TM6SF2: variants seen among roughly 807,000 people sequenced by gnomAD.
The protein encoded by TM6SF2 is transmembrane 6 superfamily member 2.
In TM6SF2, 29 loss-of-function variants were observed where a neutral mutation model predicts 41.0. The observed-to-expected ratio is 0.71, with a 90% CI of 0.53 to 0.96. The LOEUF (loss-of-function observed/expected upper bound fraction) is 0.96, where lower values mean the gene tolerates loss of function less well. TM6SF2 is among the 50% of genes least tolerant of loss of function. The probability of loss-of-function intolerance (pLI) is 0.00; values close to 1 mark genes in which losing one functional copy is unlikely to be tolerated. For synonymous variants in TM6SF2, 200 were observed against 209.1 expected (o/e 0.96, Z 0.37); for missense variants, 475 against 499.0 (o/e 0.95, Z 0.46).
intron 8 of TM6SF2, among the ~76,000 whole-genome samples, chr19:19,267,409 G>A (rs1283672240): frequency 2.0e-5 from 3 of 150,898 alleles, no homozygotes; most frequent in Non-Finnish European, 3.0e-5. Context: ...AGAAAAGAAA[G>A]GAAAAGAAAA....
At position 19,270,103 on chromosome 19, in the gene TM6SF2, C is replaced by T. The variant is rs571390178; in HGVS notation, c.401+70G>A. ...ACAGACACTTCTGGCTCCACCCTGC[C>T]CTGGGACCCCATCTGAGGATGCAAC... On this transcript the variant is annotated intron_variant, in intron 4 of 9. Coordinates refer to ENST00000389363, the MANE Select transcript of TM6SF2 (RefSeq NM_001001524.3). The T allele has an allele frequency of 2.1e-5, 34 of 1,596,820 alleles. No homozygotes were observed. The East Asian group carries it at 6.8e-4, about 32-fold the overall frequency.
intron 1 of TM6SF2, among the ~76,000 whole-genome samples, chr19:19,272,692 G>GGTGTGTGTGTGT (rs55690765): frequency 1.9e-3 from 258 of 136,780 alleles, no homozygotes; most frequent in African/African-American, 5.1e-3. Flanking sequence ...AATGGAGTAG[G>GGTGTGTGTGTGT]GTGTGTGTGT....
chr19:19,270,248 C>T lies in TM6SF2; in HGVS notation c.326G>A (p.Gly109Glu). The T allele has an allele frequency of 1.2e-6, 2 of 1,614,212 alleles. No individual in the cohort carries two copies. Among genetic ancestry groups the T allele is most frequent in the Non-Finnish European group, 1.7e-6 (2 of 1,180,046 alleles). ...GCCATCCCAGTAGCAGATGAAGACT[C>T]CGTGCGCTGTGCGCAGGTATGGCTC... ...EGEPYLRTAH[G>E]VFICYWDGTV... The change falls in exon 4 of 10, where the codon GGA becomes GAA. Residue 109 changes from glycine to glutamate, a missense_variant. Physicochemically the swap from Gly to Glu is moderately conservative, Grantham distance 98. Transcript: ENST00000389363.
chr19:19,264,696 CGGAG>C lies in TM6SF2; in HGVS notation c.1098_1101del (p.Ser367ThrfsTer3). The C allele has an allele frequency of 6.4e-7, 1 of 1,573,532 alleles. No homozygotes were observed. Among genetic ancestry groups the C allele is most frequent in the Admixed American group, 1.8e-5 (1 of 56,262 alleles). The stretch of plus-strand genomic sequence containing the variant: ...TGCTTCTTGTGGAGGGCTAGGGGGT[CGGAG>C]GGTGGTGGCTGGTGGAAGAATGCGG... On this transcript the variant is annotated frameshift_variant, in exon 10 of 10. Coordinates refer to ENST00000389363, the MANE Select transcript of TM6SF2 (RefSeq NM_001001524.3). LOFTEE classifies it high-confidence loss of function.
chr19:19,272,978 G>C (rs554147023), intron 1 of TM6SF2, 143 bp downstream of exon 1: 2 of 558,962 alleles, frequency 3.6e-6, no homozygotes, highest in South Asian at 3.3e-5. Flanking sequence ...CAATCCTGCC[G>C]GGTCGGAGCT....
rs1180586601 is a variant in TM6SF2 at position 19,273,221 on chromosome 19, C to T, written c.-6G>A. 2.1e-6 allele frequency: 3 copies of T among 1,411,304 alleles called. No homozygotes were observed. The highest frequency in any genetic ancestry group is 1.5e-5 in the African/African-American group (1 of 67,030). 87.4% of individuals were successfully genotyped at this position (1,411,304 alleles called of 1,614,324 possible). On this transcript the variant is annotated 5_prime_UTR_variant, in exon 1 of 10. Coordinates refer to ENST00000389363, the MANE Select transcript of TM6SF2 (RefSeq NM_001001524.3). ...GCCAGCGGCGGGATGTCCATAGCGGCGGCTGCTGGACCCCGGCTCAGCCCC... is the reference window on the plus strand; with the variant it reads ...GCCAGCGGCGGGATGTCCATAGCGGTGGCTGCTGGACCCCGGCTCAGCCCC...
chr19:19,265,109 T>C (rs2060998518), intron 9 of TM6SF2, among the ~76,000 whole-genome samples: 1 of 146,196 alleles, frequency 6.8e-6, no homozygotes, highest in Admixed American at 6.9e-5. Context: ...TGGTGCAATC[T>C]CGGTTCACTG....
chr19:19,271,219 C>G, intron 1 of TM6SF2, 94 bp from the exon 2 acceptor site: 1 of 989,234 alleles, frequency 1.0e-6, no homozygotes, highest in South Asian at 1.3e-5. Flanking sequence ...CTCCTGGAAG[C>G]CCCAGGGGAA....
intron 5 of TM6SF2, among the ~76,000 whole-genome samples, chr19:19,269,336 T>C (rs2061014640): frequency 6.6e-6 from 1 of 152,146 alleles, no homozygotes; most frequent in Non-Finnish European, 1.5e-5. Flanking sequence ...CATGCCAACC[T>C]CCCAGACTGC....
chr19:19,270,929 T>G, intron 2 of TM6SF2, 93 bp downstream of exon 2: 2 of 1,021,956 alleles, frequency 2.0e-6, no homozygotes, highest in Non-Finnish European at 3.1e-6. Flanking sequence ...GGGCCCCCAG[T>G]CTGATGGAGG....
In TM6SF2 at chr19:19,271,102, C is replaced by A; in HGVS notation, c.119G>T (p.Ser40Ile). 4.3e-6 allele frequency: 7 copies of A among 1,614,164 alleles called. No homozygotes were observed. The highest frequency in any genetic ancestry group is 4.2e-6 in the Non-Finnish European group (5 of 1,180,016). The change falls in exon 2 of 10, where the codon AGC becomes ATC. Residue 40 changes from serine to isoleucine, a missense_variant. By Grantham distance (142) the Ser-to-Ile change is moderately radical (BLOSUM62 -2). This residue lies in a region of TM6SF2 where 238 missense variants were observed against 228.6 expected (regional missense o/e 1.04). Coordinates refer to ENST00000389363, the MANE Select transcript of TM6SF2 (RefSeq NM_001001524.3). ...GAAAAGCAGACCCAGGATTAGGGCG[C>A]TCATCAATGCCACCCACAGGGGGCT... Reference protein sequence around the residue: ...LSHPLWVALMSALILGLLFVA... With the variant: ...LSHPLWVALMIALILGLLFVA...
chr19:19,266,717 C>T (rs2061004367), intron 8 of TM6SF2, 108 bp from the exon 9 acceptor site: 3 of 1,364,470 alleles, frequency 2.2e-6, no homozygotes, highest in African/African-American at 1.5e-5. Context: ...TCTGGATGGC[C>T]TCAGACCCCA....
intron 7 of TM6SF2, 26 bp from the exon 8 acceptor site, chr19:19,267,739 C>T (rs752646217): frequency 5.1e-5 from 82 of 1,605,434 alleles, no homozygotes; most frequent in Non-Finnish European, 6.8e-5. Context: ...ATACCAAGAA[C>T]CCTCAGACAT....
In TM6SF2 at chr19:19,273,176, A is replaced by C. The variant is rs937537909; in HGVS notation, c.40T>G (p.Ser14Ala). Reference sequence around the variant, plus strand: ...TAGGACACCGGGAGGGCGCTCAGCGACAGCGCCGCGATCTTGCCGGCCAGC... The same window carrying C: ...TAGGACACCGGGAGGGCGCTCAGCGCCAGCGCCGCGATCTTGCCGGCCAGC... Reference protein sequence around the residue: ...PPLAGKIAALSLSALPVSYAL... With the variant: ...PPLAGKIAALALSALPVSYAL... The change falls in exon 1 of 10, where the codon TCG (serine) becomes GCG (alanine). Residue 14 changes from serine to alanine, a missense_variant. Physicochemically the swap from Ser to Ala is moderately conservative, Grantham distance 99. Coordinates refer to ENST00000389363, the MANE Select transcript of TM6SF2 (RefSeq NM_001001524.3). 1.4e-6 allele frequency: 2 copies of C among 1,473,616 alleles called. No individual in the cohort carries two copies. Among genetic ancestry groups the C allele is most frequent in the Admixed American group, 4.8e-5 (2 of 42,092 alleles). 91.3% of individuals were successfully genotyped at this position (1,473,616 alleles called of 1,614,324 possible).
At position 19,264,868 on chromosome 19, in the gene TM6SF2, C is replaced by A; in HGVS notation, c.930G>T (p.Gln310His). ...GCATGGAAGCCCCCATGTGCGAGAA[C>A]TGTGCCTGGTAGCCAGACAGGGAAG... Reference protein sequence around the residue: ...LVFAGGIGQAQFSHMGASMHL... With the variant: ...LVFAGGIGQAHFSHMGASMHL... The change falls in exon 10 of 10, where the codon CAG becomes CAT. Residue 310 changes from glutamine (Q) to histidine (H), a missense_variant. Coordinates refer to ENST00000389363, the MANE Select transcript of TM6SF2 (RefSeq NM_001001524.3). 1 of 1,561,142 alleles carries A rather than the reference C, an allele frequency of 6.4e-7. No homozygotes were observed. Among genetic ancestry groups the A allele is most frequent in the East Asian group, 2.4e-5 (1 of 40,936 alleles).
chr19:19,273,193 C>G lies in TM6SF2; in HGVS notation c.23G>C (p.Gly8Ala). ...GCTCAGCGACAGCGCCGCGATCTTG[C>G]CGGCCAGCGGCGGGATGTCCATAGC... MDIPPLA[G>A]KIAALSLSAL... is the part of the protein sequence containing the mutation. The change falls in exon 1 of 10, where the codon GGC becomes GCC. Residue 8 changes from glycine (G) to alanine (A), a missense_variant. Gly to Ala is a moderately conservative substitution (Grantham distance 60). This residue lies in a region of TM6SF2 where 238 missense variants were observed against 228.6 expected (regional missense o/e 1.04). Coordinates refer to ENST00000389363, the MANE Select transcript of TM6SF2 (RefSeq NM_001001524.3). 2 of 1,454,262 alleles carry G rather than the reference C, an allele frequency of 1.4e-6. No homozygotes were observed. The allele number at this position is 1,454,262 out of a possible 1,614,324, so 90.1% of individuals were successfully genotyped here. A position where few individuals can be genotyped will look rare whatever the true frequency, so the allele number is the denominator to read the frequency against.
At chr19:19,267,444 C>A (rs541575771) in intron 8 of TM6SF2, among the ~76,000 whole-genome samples, 177 bp downstream of exon 8, 1 of 151,898 alleles carries the variant, frequency 6.6e-6, no homozygotes, top group African/African-American at 2.4e-5. Flanking sequence ...AGAGTCTGCA[C>A]CTTGAGCACC....
chr19:19,267,784 C>A, intron 7 of TM6SF2, 71 bp from the exon 8 acceptor site: 1 of 1,440,846 alleles, frequency 6.9e-7, no homozygotes, highest in South Asian at 1.2e-5. Flanking sequence ...CCCTCCCAGG[C>A]CCACACCCCT....
chr19:19,273,058 T>TCCAAG, intron 1 of TM6SF2, 63 bp downstream of exon 1: 6 of 470,232 alleles, frequency 1.3e-5, no homozygotes, highest in East Asian at 8.2e-5. Flanking sequence ...CCACCTCCAG[T>TCCAAG]CCTCCCCGCC....
Sources: allele counts gnomAD v4.1 joint callset (sites outside exome capture counted in the v4.1 genomes callset), GRCh38; gene constraint gnomAD v4.1.1; regional missense constraint gnomAD v4.1.1; transcripts MANE v1.5; gene names NCBI Gene and HGNC (gene_info 2026-07-23, HGNC 2026-07-21).